Variants in PDE4D observed in about 807,000 individuals in gnomAD.
PDE4D encodes the protein phosphodiesterase 4D.
A neutral mutation model predicts 87.4 loss-of-function variants in PDE4D; 24 were observed. The ratio of observed to expected loss-of-function variants is 0.27; its 90% CI spans 0.20 to 0.39. The LOEUF is 0.39. Among genes scored for constraint, PDE4D ranks in the 10% least tolerant of loss-of-function variants. PDE4D has a pLI of 1.00. For missense variants in PDE4D, 714 were observed against 1,041.0 expected, an observed-to-expected ratio of 0.69 and a Z score of 4.32; for synonymous variants, 384 against 383.2, an observed-to-expected ratio of 1.00 and a Z score of -0.02.
Position 60,185,643 on chromosome 5 carries a change from T to A in PDE4D, c.-45A>T, listed in dbSNP as rs765102861. ...AAAATGGGAACTAGTGTTTCCAGTG[T>A]CAATGATCTCACTGCACGTATCCAC... On this transcript the variant is annotated 5_prime_UTR_variant, in exon 2 of 17. Transcript: ENST00000502484. 2.3e-6 allele frequency: 3 copies of A among 1,290,066 alleles called. No individual in the cohort carries two copies. The African/African-American group carries it at 4.4e-5, about 19-fold the overall frequency. 79.9% of individuals were successfully genotyped at this position (1,290,066 alleles called of 1,614,324 possible). A position where few individuals can be genotyped will look rare whatever the true frequency, so the allele number is the denominator to read the frequency against.
chr5:60,011,476 G>A (rs188254411), intron 2 of PDE4D, among the ~76,000 whole-genome samples: 9 of 152,138 alleles, frequency 5.9e-5, no homozygotes, highest in South Asian at 2.1e-4. Flanking sequence ...TGGGAAAAGC[G>A]ACACACATTT....
chr5:59,151,001 A>G (rs1454690682), intron 5 of PDE4D, among the ~76,000 whole-genome samples: 1 of 152,162 alleles, frequency 6.6e-6, no homozygotes, highest in Non-Finnish European at 1.5e-5. Flanking sequence ...TGAGAAAGAC[A>G]CCATATTTAC....
intron 2 of PDE4D, among the ~76,000 whole-genome samples, chr5:60,006,437 A>G (rs1764485279): frequency 6.6e-6 from 1 of 151,918 alleles, no homozygotes; most frequent in Non-Finnish European, 1.5e-5. Context: ...AAAAGGAGGT[A>G]TCCCTGCAAG....
At chr5:60,020,253 A>C (rs191738129) in intron 2 of PDE4D, among the ~76,000 whole-genome samples, 1 of 152,328 alleles carries the variant, frequency 6.6e-6, no homozygotes, top group Non-Finnish European at 1.5e-5. Flanking sequence ...TAGTAACAAC[A>C]AAGATCATTG....
At chr5:59,642,854 G>T (rs1345150918) in intron 1 of PDE4D, among the ~76,000 whole-genome samples, 1 of 151,998 alleles carries the variant, frequency 6.6e-6, no homozygotes, top group Non-Finnish European at 1.5e-5. Context: ...ACAATTATTT[G>T]TTATAAGCTG....
intron 2 of PDE4D, among the ~76,000 whole-genome samples, chr5:60,158,639 T>G (rs892824520): frequency 6.6e-6 from 1 of 152,234 alleles, no homozygotes; most frequent in African/African-American, 2.4e-5. Context: ...CTCGGCTCAC[T>G]GCAAGCTCCG....
rs564932270 is a variant in PDE4D, at chr5:59,680,783, T to C, written c.455+212385A>G. ...TAAGAAAATCCTATGCAATATATAA[T>C]ATATTGTGAATAATGGGAGCCAGGC... On this transcript the variant is annotated intron_variant, in intron 1 of 14. Coordinates refer to ENST00000340635, the MANE Select transcript of PDE4D (RefSeq NM_001104631.2). Among the ~76,000 whole-genome samples, 3 of 152,214 alleles carry C rather than the reference T, an allele frequency of 2.0e-5. No homozygotes were observed. The South Asian group carries it at 6.2e-4, about 32-fold the overall frequency.
chr5:60,159,428 T>G (rs1302174037), intron 2 of PDE4D, among the ~76,000 whole-genome samples: 1 of 152,226 alleles, frequency 6.6e-6, no homozygotes, highest in Non-Finnish European at 1.5e-5. Context: ...TAACACTTAT[T>G]ATCAGTAATT....
chr5:60,331,077 T>G (rs1260694919), intron 1 of PDE4D, among the ~76,000 whole-genome samples: 1 of 152,224 alleles, frequency 6.6e-6, no homozygotes, highest in Non-Finnish European at 1.5e-5. Flanking sequence ...TTATTGCATG[T>G]CACCAAGTGC....
intron 1 of PDE4D, among the ~76,000 whole-genome samples, chr5:59,285,541 G>C (rs1379567966): frequency 6.6e-6 from 1 of 151,952 alleles, no homozygotes; most frequent in African/African-American, 2.4e-5. Flanking sequence ...CAAAGAAAAA[G>C]GAACTGGTTG....
chr5:59,937,968 T>C lies in PDE4D; in HGVS notation c.272+50520A>G, dbSNP rs187655758. Among the ~76,000 whole-genome samples the C allele has an allele frequency of 3.9e-5, 6 of 152,322 alleles. No homozygotes were observed. The East Asian group carries it at 1.2e-3, about 29-fold the overall frequency. Reference sequence around the variant, plus strand: ...TAACGGTTTCTCTCTACTCAATACTTTATTGTGATTTCTTGTTTAACAACG... The same window carrying C: ...TAACGGTTTCTCTCTACTCAATACTCTATTGTGATTTCTTGTTTAACAACG... On this transcript the variant is annotated intron_variant, in intron 3 of 16. Coordinates refer to the PDE4D transcript ENST00000502484.
At chr5:59,597,550 GA>G (rs972728741) in intron 1 of PDE4D, among the ~76,000 whole-genome samples, 5 of 150,564 alleles carry the variant, frequency 3.3e-5, no homozygotes, top group Admixed American at 2.6e-4. Flanking sequence ...AGAGATTTTG[GA>G]AAAAAAAGAA....
intron 1 of PDE4D, among the ~76,000 whole-genome samples, chr5:59,426,187 T>G (rs1352896288): frequency 6.6e-6 from 1 of 152,186 alleles, no homozygotes; most frequent in Non-Finnish European, 1.5e-5. Context: ...ACCTTGACCT[T>G]GGATTTCACA....
intron 1 of PDE4D, among the ~76,000 whole-genome samples, chr5:59,672,089 T>C (rs1747305035): frequency 6.6e-6 from 1 of 152,172 alleles, no homozygotes; most frequent in South Asian, 2.1e-4. Context: ...GTCTTCAGGC[T>C]AACGGCAGGG....
intron 1 of PDE4D, among the ~76,000 whole-genome samples, chr5:59,775,156 C>T (rs1763954182): frequency 6.6e-6 from 1 of 152,148 alleles, no homozygotes; most frequent in Non-Finnish European, 1.5e-5. Context: ...AGAATGCCCT[C>T]TCTAAATATT....
intron 3 of PDE4D, among the ~76,000 whole-genome samples, chr5:59,938,335 T>C (rs1442047472): frequency 6.6e-6 from 1 of 152,184 alleles, no homozygotes; most frequent in Non-Finnish European, 1.5e-5. Context: ...CACTGGTGTT[T>C]ACCTGCTAAT....
intron 1 of PDE4D, among the ~76,000 whole-genome samples, chr5:59,869,029 T>G (rs574763453): frequency 6.4e-4 from 97 of 152,314 alleles, no homozygotes; most frequent in Non-Finnish European, 5.4e-4. Context: ...TTCAGCACAT[T>G]TTTATTGAAT....
chr5:60,148,901 C>T (rs913129423), intron 2 of PDE4D, among the ~76,000 whole-genome samples: 2 of 152,052 alleles, frequency 1.3e-5, no homozygotes, highest in East Asian at 1.9e-4. Context: ...TTATATGTTG[C>T]CGTCTTTGAA....
intron 1 of PDE4D, among the ~76,000 whole-genome samples, chr5:59,235,715 A>G (rs968687752): frequency 6.6e-6 from 1 of 152,184 alleles, no homozygotes; most frequent in African/African-American, 2.4e-5. Flanking sequence ...GGAATGTTAC[A>G]TTTTGCTGAA....
Sources: allele counts gnomAD v4.1 joint callset (sites outside exome capture counted in the v4.1 genomes callset), GRCh38; gene constraint gnomAD v4.1.1; transcripts MANE v1.5; gene names NCBI Gene and HGNC (gene_info 2026-07-23, HGNC 2026-07-21).